The following ZNF69 variants were observed in gnomAD, a reference collection of about 807,000 sequenced individuals.
ZNF69 encodes zinc finger protein 69.
A neutral mutation model predicts 50.9 loss-of-function variants in ZNF69; 47 were observed. The ratio of observed to expected loss-of-function variants is 0.92; its 90% CI spans 0.73 to 1.18. ZNF69 has a LOEUF of 1.18. Ranked by LOEUF, ZNF69 falls within the 50% of genes most tolerant of loss-of-function variation. The pLI, the probability that ZNF69 is intolerant of heterozygous loss-of-function variation, is 0.00. For missense variants in ZNF69, 717 were observed against 675.1 expected (o/e 1.06, Z -0.69); for synonymous variants, 216 against 223.1 (o/e 0.97, Z 0.29).
At chr19:11,950,301 CTA>C in the ZNF69 span, 1 of 1,561,804 alleles carries the variant, frequency 6.4e-7, no homozygotes, top group African/African-American at 1.4e-5. Context: ...GAAGGAAGCA[CTA>C]TGAATGCAAG....
At chr19:11,911,658 A>T (rs1972459839), downstream of ZNF69, among the ~76,000 whole-genome samples, 2 of 152,038 alleles carry the variant, frequency 1.3e-5, no homozygotes, top group South Asian at 4.2e-4. Flanking sequence ...AACATCACAC[A>T]CCAGGGCCTG....
At chr19:11,937,152 C>T in the ZNF69 span, among the ~76,000 whole-genome samples, 27 of 152,298 alleles carry the variant, frequency 1.8e-4, no homozygotes, top group East Asian at 5.0e-3. Context: ...ACCTTATTGC[C>T]AAATCCAAGG....
the ZNF69 span, among the ~76,000 whole-genome samples, chr19:11,966,549 T>G: frequency 6.6e-6 from 1 of 152,256 alleles, no homozygotes; most frequent in South Asian, 2.1e-4. Flanking sequence ...AATTTTTGTA[T>G]TTTTAGTAAA....
In ZNF69 at chr19:11,898,842, T is replaced by A. The variant is rs559277404; in HGVS notation, c.64-4731T>A. ...TAGCAAGACCCTGTTTCAAAGAAAA[T>A]AATTGTTTTAAACCAAAAAAACCAT... On this transcript the variant is annotated intron_variant, in intron 1 of 3. Transcript: ENST00000429654. Among the ~76,000 whole-genome samples the A allele has an allele frequency of 4.3e-3, 662 of 152,228 alleles. 4 individuals are homozygous for A. Among genetic ancestry groups the A allele is most frequent in the African/African-American group, 0.014 (600 of 41,554 alleles).
At chr19:11,933,954 T>C in the ZNF69 span, among the ~76,000 whole-genome samples, 1 of 147,768 alleles carries the variant, frequency 6.8e-6, no homozygotes, top group Non-Finnish European at 1.5e-5. Context: ...GGGATTCCAC[T>C]TGTGAGCCAT....
At chr19:11,969,262 A>G in the ZNF69 span, among the ~76,000 whole-genome samples, 2 of 151,892 alleles carry the variant, frequency 1.3e-5, no homozygotes, top group Non-Finnish European at 2.9e-5. Flanking sequence ...GTGCCACCAC[A>G]CTCGGCTAAT....
intron 1 of ZNF69, among the ~76,000 whole-genome samples, chr19:11,889,838 G>A (rs113566473): frequency 4.3e-4 from 66 of 152,310 alleles, no homozygotes; most frequent in African/African-American, 1.6e-3. Flanking sequence ...AGTGTGGCAG[G>A]ACAACAGGGT....
the ZNF69 span, chr19:11,979,978 C>G: frequency 8.3e-7 from 1 of 1,207,376 alleles, no homozygotes; most frequent in Non-Finnish European, 1.2e-6. Flanking sequence ...GAGAGAAACC[C>G]TATGAGTGTA....
chr19:11,961,792 TGTTA>T, the ZNF69 span: 1 of 151,912 alleles, frequency 6.6e-6, no homozygotes, highest in Non-Finnish European at 1.5e-5. Context: ...ATTTTTGTAT[TGTTA>T]GTTAGAGATG....
Position 11,905,248 on chromosome 19 carries a change from C to T in ZNF69, c.851C>T (p.Ala284Val). Reference protein sequence around the residue: ...KPYECQQCGKAFHSPRCYRRH... With the variant: ...KPYECQQCGKVFHSPRCYRRH... ...TATGAATGTCAGCAATGTGGGAAAGCATTTCATAGTCCCAGATGCTATCGT... is the reference window on the plus strand; with the variant it reads ...TATGAATGTCAGCAATGTGGGAAAGTATTTCATAGTCCCAGATGCTATCGT... The change falls in exon 4 of 4, where the codon GCA becomes GTA. Residue 284 changes from alanine to valine, a missense_variant. By Grantham distance (64) the Ala-to-Val change is moderately conservative. Transcript: ENST00000429654. The T allele has an allele frequency of 6.2e-7, 1 of 1,614,104 alleles. No individual in the cohort carries two copies. The highest frequency in any genetic ancestry group is 8.5e-7 in the Non-Finnish European group (1 of 1,180,022).
the ZNF69 span, chr19:11,949,684 C>T: frequency 1.2e-6 from 2 of 1,613,962 alleles, no homozygotes; most frequent in Non-Finnish European, 1.7e-6. Context: ...CCTTCGATAT[C>T]ATGAAAGGAC....
chr19:11,965,800 C>T, the ZNF69 span, among the ~76,000 whole-genome samples: 11 of 152,206 alleles, frequency 7.2e-5, no homozygotes, highest in East Asian at 1.2e-3. Context: ...TGAGTGGTCC[C>T]GAGGCGGCTC....
chr19:11,950,238 G>A, the ZNF69 span: 8 of 1,610,326 alleles, frequency 5.0e-6, no homozygotes, highest in East Asian at 8.9e-5. Context: ...AGGATTGTGG[G>A]AAAGCATTCA....
the ZNF69 span, among the ~76,000 whole-genome samples, chr19:11,927,304 G>A: frequency 1.3e-5 from 2 of 151,928 alleles, no homozygotes; most frequent in African/African-American, 2.4e-5. Flanking sequence ...CAGCCCAGCC[G>A]AGGATGTACC....
At chr19:11,901,311 A>T (rs1043177346) in intron 1 of ZNF69, among the ~76,000 whole-genome samples, 1 of 152,148 alleles carries the variant, frequency 6.6e-6, no homozygotes, top group Non-Finnish European at 1.5e-5. Context: ...TAACTTATTT[A>T]TGCTGGAGGT....
the ZNF69 span, among the ~76,000 whole-genome samples, chr19:11,954,602 A>G: frequency 6.6e-6 from 1 of 152,282 alleles, no homozygotes; most frequent in Non-Finnish European, 1.5e-5. Context: ...AGGCCAAGGC[A>G]GGAGGATCAC....
chr19:11,934,806 G>A, the ZNF69 span, among the ~76,000 whole-genome samples: 4 of 147,840 alleles, frequency 2.7e-5, 1 homozygote, highest in African/African-American at 8.0e-5. Flanking sequence ...GATTACAGGC[G>A]TGAGCCACTG....
At chr19:11,937,820 G>A in the ZNF69 span, among the ~76,000 whole-genome samples, 1 of 152,032 alleles carries the variant, frequency 6.6e-6, no homozygotes, top group Non-Finnish European at 1.5e-5. Context: ...GTGCCTCTCT[G>A]TCATCTTATG....
the ZNF69 span, chr19:11,949,899 T>A: frequency 1.9e-6 from 3 of 1,613,986 alleles, no homozygotes; most frequent in South Asian, 3.3e-5. Flanking sequence ...GTAAGCAATG[T>A]GGGAAAGCCT....
Sources: gnomAD v4.1 joint callset for allele counts (sites outside exome capture counted in the v4.1 genomes callset) on GRCh38, gnomAD v4.1.1 for gene constraint, MANE v1.5 for transcripts, NCBI Gene and HGNC (gene_info 2026-07-23, HGNC 2026-07-21) for gene names.